Variants in USP13 observed in about 807,000 individuals in gnomAD.
USP13 encodes the protein ubiquitin specific peptidase 13.
A neutral mutation model predicts 107.8 loss-of-function variants in USP13; 68 were observed. The ratio of observed to expected loss-of-function variants is 0.63; its 90% CI spans 0.52 to 0.77. USP13 has a LOEUF of 0.77. Among genes scored for constraint, USP13 ranks in the 30% least tolerant of loss-of-function variants. The pLI is 0.00. For missense variants in USP13, 945 were observed against 1,093.3 expected (o/e 0.86, Z 1.91); for synonymous variants, 377 against 389.5 (o/e 0.97, Z 0.38).
chr3:179,691,537 CA>C (rs1358119560), intron 3 of USP13, among the ~76,000 whole-genome samples: 1 of 152,112 alleles, frequency 6.6e-6, no homozygotes, highest in Non-Finnish European at 1.5e-5. Flanking sequence ...TGCATGGTAT[CA>C]GGGGTACATG....
At chr3:179,781,852 G>C (rs1212821892) in intron 20 of USP13, 29 bp downstream of exon 20, 1 of 1,590,850 alleles carries the variant, frequency 6.3e-7, no homozygotes, top group Non-Finnish European at 8.6e-7. Context: ...GTAAATGTTA[G>C]CTGTGATTTA....
rs541083180 is a variant in USP13 at position 179,654,829 on chromosome 3, T to C, written c.168+1436T>C. ...CAAAGCACTTTTGCTCGACACACAC[T>C]GGAGTATCAGAGTTAGTATCCTCTC... On this transcript the variant is annotated intron_variant, in intron 1 of 20. Transcript: ENST00000263966. 3.3e-5 allele frequency among the ~76,000 whole-genome samples: 5 copies of C among 152,344 alleles called. No homozygotes were observed. The South Asian group carries it at 8.3e-4, about 25-fold the overall frequency.
intron 13 of USP13, among the ~76,000 whole-genome samples, chr3:179,747,415 C>T (rs1714448140): frequency 6.6e-6 from 1 of 152,060 alleles, no homozygotes; most frequent in African/African-American, 2.4e-5. Context: ...CTTCGAAATC[C>T]CCAGCATCAG....
At chr3:179,665,595 C>CT (rs1420632158) in intron 1 of USP13, among the ~76,000 whole-genome samples, 6 of 151,914 alleles carry the variant, frequency 3.9e-5, no homozygotes, top group East Asian at 1.9e-4. Context: ...TAAGGCTTTT[C>CT]TTTTTTTTGA....
chr3:179,671,285 T>G (rs1330841678), intron 1 of USP13, among the ~76,000 whole-genome samples: 1 of 152,076 alleles, frequency 6.6e-6, no homozygotes, highest in East Asian at 1.9e-4. Context: ...CTTTGAGTAG[T>G]GGGAATATAC....
intron 3 of USP13, among the ~76,000 whole-genome samples, chr3:179,698,581 A>G (rs1310877428): frequency 6.6e-6 from 1 of 151,890 alleles, no homozygotes; most frequent in Non-Finnish European, 1.5e-5. Context: ...GGAGACAGAT[A>G]ATATCTTGTA....
intron 6 of USP13, among the ~76,000 whole-genome samples, chr3:179,716,857 G>C (rs537716646): frequency 1.3e-5 from 2 of 152,022 alleles, no homozygotes; most frequent in Admixed American, 1.3e-4. Flanking sequence ...TGCACATACT[G>C]TTTCCTAGCA....
chr3:179,654,682 A>G (rs914742735), intron 1 of USP13, among the ~76,000 whole-genome samples: 11 of 152,198 alleles, frequency 7.2e-5, no homozygotes, highest in African/African-American at 2.7e-4. Flanking sequence ...AGGTCTCGCA[A>G]TGGTCTAATG....
intron 6 of USP13, among the ~76,000 whole-genome samples, chr3:179,717,433 C>G (rs1713146868): frequency 6.6e-6 from 1 of 152,174 alleles, no homozygotes; most frequent in Non-Finnish European, 1.5e-5. Flanking sequence ...CAGTTAATGG[C>G]TGGAGGTATG....
intron 1 of USP13, among the ~76,000 whole-genome samples, chr3:179,658,205 T>C (rs956917753): frequency 3.3e-5 from 5 of 152,168 alleles, no homozygotes; most frequent in East Asian, 1.9e-4. Context: ...CCGCCCACCT[T>C]GGCCTCCCAA....
In USP13 at chr3:179,653,136, C is replaced by T. The variant is rs1181804736; in HGVS notation, c.-90C>T. The T allele has an allele frequency of 7.0e-6, 7 of 996,934 alleles. No homozygotes were observed. Among genetic ancestry groups the T allele is most frequent in the East Asian group, 2.0e-4 (2 of 10,042 alleles). The allele number at this position is 996,934 out of a possible 1,614,324, so 61.8% of individuals were successfully genotyped here. A position where few individuals can be genotyped will look rare whatever the true frequency, so the allele number is the denominator to read the frequency against. On this transcript the variant is annotated 5_prime_UTR_variant, in exon 1 of 21. Transcript: ENST00000263966. The surrounding 1 kb of genome is among the most constrained non-coding windows in gnomAD (Gnocchi z 4.0). The stretch of plus-strand genomic sequence containing the variant: ...GCTGCCGTTGCCCGCGCAGCCCGCC[C>T]GTCAGCCCGCTCGCTGGCGCCGCCG...
chr3:179,720,321 G>A (rs1025686039), intron 7 of USP13, among the ~76,000 whole-genome samples: 3 of 152,140 alleles, frequency 2.0e-5, no homozygotes, highest in African/African-American at 4.8e-5. Flanking sequence ...ATGGGCAGTC[G>A]TGTGAATCAT....
chr3:179,659,530 A>G (rs920254199), intron 1 of USP13, among the ~76,000 whole-genome samples: 7 of 152,180 alleles, frequency 4.6e-5, no homozygotes, highest in African/African-American at 1.7e-4. Context: ...ACCGAGTGAT[A>G]GGGCACTTAC....
intron 6 of USP13, among the ~76,000 whole-genome samples, chr3:179,713,313 G>A (rs1576945252): frequency 6.6e-6 from 1 of 152,284 alleles, no homozygotes; most frequent in South Asian, 2.1e-4. Flanking sequence ...TTTAATAAAA[G>A]TATTTTCTGT....
chr3:179,702,558 T>C (rs1712573368), intron 4 of USP13, among the ~76,000 whole-genome samples: 1 of 152,224 alleles, frequency 6.6e-6, no homozygotes, highest in Non-Finnish European at 1.5e-5. Flanking sequence ...CATTTGTGCT[T>C]GGGGTTTCCA....
chr3:179,740,468 A>G, intron 11 of USP13, 96 bp downstream of exon 11: 1 of 1,531,248 alleles, frequency 6.5e-7, no homozygotes, highest in South Asian at 1.2e-5. Context: ...ATGCCTCCCC[A>G]CTCTCTTTCT....
chr3:179,760,534 C>A (rs963476948), intron 16 of USP13, among the ~76,000 whole-genome samples: 1 of 152,196 alleles, frequency 6.6e-6, no homozygotes, highest in Non-Finnish European at 1.5e-5. Flanking sequence ...CCGCCCGCCT[C>A]GGCCTCCCAA....
rs1714834448 is a variant in USP13, at chr3:179,757,087, C to A, written c.1948+9C>A. On this transcript the variant is annotated intron_variant, in intron 16 of 20. Coordinates refer to ENST00000263966, the MANE Select transcript of USP13 (RefSeq NM_003940.3). Reference sequence around the variant, plus strand: ...GAACCAATTGATAGACCGTATGTATCTTTAAAAATGTTTCTCAATGTCCTA... The same window carrying A: ...GAACCAATTGATAGACCGTATGTATATTTAAAAATGTTTCTCAATGTCCTA... The A allele has an allele frequency of 6.2e-7, 1 of 1,613,462 alleles. No individual in the cohort carries two copies.
chr3:179,660,013 A>G (rs1379904241), intron 1 of USP13, among the ~76,000 whole-genome samples: 1 of 152,238 alleles, frequency 6.6e-6, no homozygotes, highest in Non-Finnish European at 1.5e-5. Context: ...ATTCCACTCC[A>G]GCCTGGGCGA....
Sources: allele counts gnomAD v4.1 joint callset (sites outside exome capture counted in the v4.1 genomes callset), GRCh38; gene constraint gnomAD v4.1.1; non-coding constraint Gnocchi (gnomAD v3.1); transcripts MANE v1.5; gene names NCBI Gene and HGNC (gene_info 2026-07-23, HGNC 2026-07-21).